Variants in NOS1 observed in about 807,000 individuals in gnomAD.
NOS1 encodes NOS type I.
NOS1 carries 51 observed loss-of-function variants against 164.5 expected under a neutral mutation model. The ratio of observed to expected loss-of-function variants is 0.31; its 90% confidence interval spans 0.25 to 0.39. The LOEUF is 0.39. Ranked by LOEUF, NOS1 falls within the 10% of genes least tolerant of loss-of-function variation. NOS1 has a pLI of 1.00. For synonymous variants in NOS1, 719 were observed against 745.8 expected (o/e 0.96, Z 0.59); for missense variants, 1,362 against 1,885.6 (o/e 0.72, Z 5.14).
At chr12:117,325,014 C>G (rs1157644899) in intron 2 of NOS1, among the ~76,000 whole-genome samples, 1 of 152,232 alleles carries the variant, frequency 6.6e-6, no homozygotes, top group Admixed American at 6.5e-5. Flanking sequence ...GACAACAGAG[C>G]AGGAGAGACA....
At chr12:117,319,392 G>A (rs545578279) in intron 2 of NOS1, among the ~76,000 whole-genome samples, 6 of 152,332 alleles carry the variant, frequency 3.9e-5, no homozygotes, top group South Asian at 2.1e-4. Context: ...CATGAATGCC[G>A]CAGCTGGGAA....
At position 117,210,497 on chromosome 12, in the gene NOS1, T is replaced by C. The variant is rs1462107548; in HGVS notation, c.*4812A>G. The C allele has an allele frequency of 2.0e-6, 2 of 985,252 alleles. No individual in the cohort carries two copies. Among genetic ancestry groups the C allele is most frequent in the Non-Finnish European group, 2.4e-6 (2 of 829,990 alleles). 61.0% of individuals were successfully genotyped at this position (985,252 alleles called of 1,614,324 possible). A position where few individuals can be genotyped will look rare whatever the true frequency, so the allele number is the denominator to read the frequency against. On this transcript the variant is annotated 3_prime_UTR_variant, in exon 29 of 29. Coordinates refer to ENST00000317775, the MANE Select transcript of NOS1 (RefSeq NM_000620.5). ...ATGTGGGGCAGCGGGTAGGGAAATA[T>C]ACAAGGAAACATGGCTGGTTTAAAA... is the stretch of plus-strand genomic sequence containing the variant.
chr12:117,265,582 G>C (rs2135987676), intron 11 of NOS1, 72 bp from the exon 12 acceptor site: 4 of 1,188,476 alleles, frequency 3.4e-6, no homozygotes, highest in Non-Finnish European at 4.6e-6. Context: ...CTGCCCCAAA[G>C]AGCAGCATTT....
chr12:117,280,147 C>A (rs1171849343), intron 8 of NOS1, among the ~76,000 whole-genome samples: 1 of 152,178 alleles, frequency 6.6e-6, no homozygotes, highest in Non-Finnish European at 1.5e-5. Flanking sequence ...GGAAGGAACT[C>A]TGGGCAGGGA....
At chr12:117,299,635 C>CAAAAAA (rs35293946) in intron 3 of NOS1, among the ~76,000 whole-genome samples, 8 of 89,240 alleles carry the variant, frequency 9.0e-5, no homozygotes, top group African/African-American at 1.7e-4. Context: ...ACTTTGTCTC[C>CAAAAAA]AAAAAAAAAA....
chr12:117,285,579 G>A (rs1042503185), intron 6 of NOS1, among the ~76,000 whole-genome samples: 1 of 151,306 alleles, frequency 6.6e-6, no homozygotes, highest in Non-Finnish European at 1.5e-5. Flanking sequence ...GAAAGTGAAT[G>A]TGGGAAAGGA....
chr12:117,309,338 A>G, intron 3 of NOS1: 1 of 984,208 alleles, frequency 1.0e-6, no homozygotes, highest in South Asian at 4.7e-5. Context: ...TGATGTCCTT[A>G]TCTTCCTGGC....
At chr12:117,265,225 A>G in intron 12 of NOS1, 91 bp downstream of exon 12, 1 of 1,194,680 alleles carries the variant, frequency 8.4e-7, no homozygotes, top group South Asian at 2.2e-5. Context: ...GAGTGTCCAG[A>G]GCACTAGCCT....
rs1321550023 is a variant in NOS1 at position 117,290,404 on chromosome 12, G to A, written c.875C>T (p.Ser292Phe). 5.0e-6 allele frequency: 8 copies of A among 1,613,276 alleles called. No homozygotes were observed. The highest frequency in any genetic ancestry group is 2.2e-5 in the East Asian group (1 of 44,858). The change falls in exon 4 of 29, where the codon TCC (serine) becomes TTC (phenylalanine). Residue 292 changes from serine (S) to phenylalanine (F), a missense_variant. Coordinates refer to ENST00000317775, the MANE Select transcript of NOS1 (RefSeq NM_000620.5). ...KEQPPTSGKQ[S>F]PTKNGSPSKC... ...GGAGGGGCTGCCATTCTTTGTGGGG[G>A]ACTGTTTTCCTGAGGTGGGGGGCTG...
rs773208640 is a variant in NOS1, at chr12:117,321,159, G to GCCA, written c.725+9183_725+9185dup. 1.8e-4 allele frequency among the ~76,000 whole-genome samples: 27 copies of GCCA among 152,206 alleles called. No homozygotes were observed. In the East Asian group the frequency reaches 5.0e-3, roughly 28 times the overall value. On this transcript the variant is annotated intron_variant, in intron 2 of 28. Coordinates refer to ENST00000317775, the MANE Select transcript of NOS1 (RefSeq NM_000620.5). ...TGGGTAGCTGGAATTACAGGTGTGT[G>GCCA]CCACCACACCTGGCTGATTTTTGTA...
intron 1 of NOS1, among the ~76,000 whole-genome samples, chr12:117,332,225 C>G (rs528070775): frequency 2.0e-5 from 3 of 152,298 alleles, no homozygotes; most frequent in South Asian, 4.1e-4. Flanking sequence ...ATCCCAAAGA[C>G]TAAACACGGC....
At chr12:117,314,057 A>G (rs974929412) in intron 2 of NOS1, among the ~76,000 whole-genome samples, 1 of 152,136 alleles carries the variant, frequency 6.6e-6, no homozygotes. Flanking sequence ...CACGATCCCC[A>G]GTGACCCCTC....
chr12:117,223,600 G>T (rs1459465973), intron 25 of NOS1, among the ~76,000 whole-genome samples: 2 of 151,412 alleles, frequency 1.3e-5, no homozygotes, highest in Non-Finnish European at 2.9e-5. Context: ...ATTTTAAGAT[G>T]GAGTCTCACT....
chr12:117,331,056 A>G lies in NOS1; in HGVS notation c.14T>C (p.Met5Thr), dbSNP rs946993012. The change falls in exon 2 of 29, where the codon ATG becomes ACG. Residue 5 changes from methionine to threonine, a missense_variant. Coordinates refer to ENST00000317775, the MANE Select transcript of NOS1 (RefSeq NM_000620.5). MEDH[M>T]FGVQQIQPNV... is the part of the protein sequence containing the mutation. ...GGGCTGGATTTGCTGAACACCGAAC[A>G]TGTGATCCTCCATGGTAACTAGCTT... 3.1e-6 allele frequency: 5 copies of G among 1,611,190 alleles called. No homozygotes were observed. In the African/African-American group the frequency reaches 6.7e-5, roughly 22 times the overall value.
Position 117,214,804 on chromosome 12 carries a change from G to C in NOS1, c.*505C>G, listed in dbSNP as rs1956577392. The stretch of plus-strand genomic sequence containing the variant: ...AATCTAAGATCGACACACTTGTGCA[G>C]GGAAGAGGACGGACAGAGACCTGGC... On this transcript the variant is annotated 3_prime_UTR_variant, in exon 29 of 29. Transcript: ENST00000317775. 1 of 985,374 alleles carries C rather than the reference G, an allele frequency of 1.0e-6. No individual in the cohort carries two copies. The highest frequency in any genetic ancestry group is 4.7e-5 in the South Asian group (1 of 21,250). The allele number at this position is 985,374 out of a possible 1,614,324, so 61.0% of individuals were successfully genotyped here.
At chr12:117,354,571 T>C (rs1876777195) in intron 1 of NOS1, among the ~76,000 whole-genome samples, 1 of 152,132 alleles carries the variant, frequency 6.6e-6, no homozygotes, top group Non-Finnish European at 1.5e-5. Context: ...TGCTATCGAG[T>C]ACTATTCTGA....
chr12:117,238,780 G>C (rs1041407189), intron 20 of NOS1, among the ~76,000 whole-genome samples: 1 of 152,114 alleles, frequency 6.6e-6, no homozygotes, highest in African/African-American at 2.4e-5. Context: ...CTCCCAAAGT[G>C]CTGGGATTAC....
chr12:117,242,778 A>T, intron 19 of NOS1, 73 bp from the exon 20 acceptor site: 1 of 1,358,314 alleles, frequency 7.4e-7, no homozygotes, highest in South Asian at 1.2e-5. Context: ...AGGTGGGGCA[A>T]CGTGGCTCAC....
At chr12:117,256,081 G>C in intron 16 of NOS1, 2 of 1,132,090 alleles carry the variant, frequency 1.8e-6, no homozygotes, top group Non-Finnish European at 2.4e-6. Flanking sequence ...CCTGAAGGAG[G>C]GGTGAGAGGG....
Sources: allele counts gnomAD v4.1 joint callset (sites outside exome capture counted in the v4.1 genomes callset), GRCh38; gene constraint gnomAD v4.1.1; transcripts MANE v1.5; gene names NCBI Gene and HGNC (gene_info 2026-07-23, HGNC 2026-07-21).